The following NKIRAS1 variants were observed in gnomAD, a reference collection of about 807,000 sequenced individuals.
The protein encoded by NKIRAS1 is NF-kappa-B inhibitor-interacting Ras-like protein 1.
In NKIRAS1, 16 loss-of-function variants were observed where a neutral mutation model predicts 19.8. The ratio of observed to expected loss-of-function variants is 0.81; its 90% CI spans 0.55 to 1.23. The LOEUF is 1.23. Ranked by LOEUF, NKIRAS1 falls within the 50% of genes most tolerant of loss-of-function variation. The pLI is 0.00. For synonymous variants in NKIRAS1, 88 were observed against 79.0 expected, an observed-to-expected ratio of 1.11 and a Z score of -0.61; for missense variants, 184 against 220.0, an observed-to-expected ratio of 0.84 and a Z score of 1.04.
upstream of NKIRAS1, chr3:23,921,679 ATTC>A (rs1389618529): frequency 7.4e-5 from 50 of 673,150 alleles, no homozygotes; most frequent in African/African-American, 6.1e-4. Context: ...GGTTTGAGCA[ATTC>A]TTCTGCCTCG....
intron 1 of NKIRAS1, among the ~76,000 whole-genome samples, chr3:23,914,637 C>T (rs1704117566): frequency 6.6e-6 from 1 of 152,228 alleles, no homozygotes; most frequent in South Asian, 2.1e-4. Flanking sequence ...TGCCATCATG[C>T]CAGCCATCAG....
In NKIRAS1 at chr3:23,890,852, A is replaced by G. The variant is rs1701402220; in HGVS notation, c.*2243T>C. On this transcript the variant is annotated 3_prime_UTR_variant, in exon 5 of 5. Transcript: ENST00000425478. Reference sequence around the variant, plus strand: ...TATTAGCTGAAATGTAGTACAGAAAAGAATGTACATTTAGACATTTGGGTT... The same window carrying G: ...TATTAGCTGAAATGTAGTACAGAAAGGAATGTACATTTAGACATTTGGGTT... 1 of 342,538 alleles carries G rather than the reference A, an allele frequency of 2.9e-6. No individual in the cohort carries two copies. Among genetic ancestry groups the G allele is most frequent in the African/African-American group, 2.1e-5 (1 of 47,050 alleles). 21.2% of individuals were successfully genotyped at this position (342,538 alleles called of 1,614,324 possible). A position where few individuals can be genotyped will look rare whatever the true frequency, so the allele number is the denominator to read the frequency against.
At chr3:23,906,178 AC>A (rs397801523) in intron 3 of NKIRAS1, among the ~76,000 whole-genome samples, 42 of 150,814 alleles carry the variant, frequency 2.8e-4, no homozygotes, top group African/African-American at 1.0e-3. Context: ...AAAAAAAAAA[AC>A]CAAAGGGAGA....
At chr3:23,894,988 C>T (rs1196277767) in intron 4 of NKIRAS1, among the ~76,000 whole-genome samples, 1 of 152,172 alleles carries the variant, frequency 6.6e-6, no homozygotes, top group Non-Finnish European at 1.5e-5. Context: ...CTCCAATGGT[C>T]TCATCATCCT....
intron 1 of NKIRAS1, among the ~76,000 whole-genome samples, chr3:23,933,840 C>T (rs546374674): frequency 6.6e-6 from 1 of 152,244 alleles, no homozygotes; most frequent in Non-Finnish European, 1.5e-5. Flanking sequence ...GATCAAGGCA[C>T]CAGTAAGTTG....
intron 1 of NKIRAS1, among the ~76,000 whole-genome samples, chr3:23,933,567 C>G (rs4078155): frequency 0.64 from 97,752 of 152,084 alleles, 31,626 homozygotes; most frequent in Middle Eastern, 0.75. Flanking sequence ...ATATGTATCA[C>G]CTTATATCAC....
intron 1 of NKIRAS1, among the ~76,000 whole-genome samples, chr3:23,935,374 T>C (rs1320152564): frequency 6.4e-5 from 4 of 62,842 alleles, no homozygotes; most frequent in Non-Finnish European, 1.3e-4. Context: ...AAGGTTCTGA[T>C]TAGACAAAAA....
At position 23,926,470 on chromosome 3, in the gene NKIRAS1, TCCTC is replaced by T. The variant is rs1705215327; in HGVS notation, c.-139-15024_-139-15021del. On this transcript the variant is annotated intron_variant, in intron 1 of 4. Coordinates refer to the NKIRAS1 transcript ENST00000421515. The surrounding 1 kb of genome is among the most constrained non-coding windows in gnomAD (Gnocchi z 4.3). ...TCCTCTTCTCTCTTTTTTCTCTTCT[TCCTC>T]TTTCTCTCCTTCTCTTTCCTCTTCC... 6.6e-6 allele frequency among the ~76,000 whole-genome samples: 1 copy of T among 152,122 alleles called. No homozygotes were observed. The highest frequency in any genetic ancestry group is 1.5e-5 in the Non-Finnish European group (1 of 68,012).
intron 3 of NKIRAS1, among the ~76,000 whole-genome samples, chr3:23,901,550 C>A (rs1283968555): frequency 6.6e-6 from 1 of 152,096 alleles, no homozygotes; most frequent in Non-Finnish European, 1.5e-5. Flanking sequence ...TGTTTATGAT[C>A]TTTTAAAAAT....
Position 23,901,016 on chromosome 3 carries a change from T to A in NKIRAS1, c.128A>T (p.Tyr43Phe). The change falls in exon 4 of 5, where the codon TAC becomes TTC. Residue 43 changes from tyrosine (Y) to phenylalanine (F), a missense_variant. Coordinates refer to ENST00000425478, the MANE Select transcript of NKIRAS1 (RefSeq NM_020345.4). The part of the protein sequence containing the change: ...MEDCETMEDV[Y>F]MASVETDRGV... ...TCGGTCTGTTTCTACTGAAGCCATG[T>A]ATACATCTTCCATTGTTTCGCAATC... 6.2e-7 allele frequency: 1 copy of A among 1,614,136 alleles called. No individual in the cohort carries two copies. The highest frequency in any genetic ancestry group is 1.3e-5 in the African/African-American group (1 of 75,060).
intron 4 of NKIRAS1, among the ~76,000 whole-genome samples, chr3:23,896,480 G>C (rs1702007352): frequency 6.6e-6 from 1 of 152,154 alleles, no homozygotes; most frequent in South Asian, 2.1e-4. Context: ...AGGTGTGGTG[G>C]TGAACGCCTG....
At chr3:23,893,900 T>G (rs533508189) in intron 4 of NKIRAS1, among the ~76,000 whole-genome samples, 2 of 151,164 alleles carry the variant, frequency 1.3e-5, no homozygotes, top group Non-Finnish European at 2.9e-5. Context: ...ACTTGGGAAA[T>G]TGGCATCTAG....
chr3:23,920,103 A>G (rs1704990129), upstream of NKIRAS1: 4 of 985,802 alleles, frequency 4.1e-6, no homozygotes, highest in Admixed American at 6.1e-5. Flanking sequence ...CGATAAAATT[A>G]TTAGCCTTAA....
chr3:23,910,156 CTTTTTTTTT>C (rs34240932), intron 3 of NKIRAS1, among the ~76,000 whole-genome samples: 1 of 96,558 alleles, frequency 1.0e-5, no homozygotes, highest in Non-Finnish European at 2.0e-5. Flanking sequence ...TGCGCTCGGC[CTTTTTTTTT>C]TTTTTTTTTT....
At chr3:23,915,161 G>T (rs1704208579) in intron 1 of NKIRAS1, among the ~76,000 whole-genome samples, 1 of 152,244 alleles carries the variant, frequency 6.6e-6, no homozygotes. Flanking sequence ...GGTGGGCCCA[G>T]TGTAATCACA....
chr3:23,910,659 C>G, intron 3 of NKIRAS1, 152 bp downstream of exon 3: 1 of 614,542 alleles, frequency 1.6e-6, no homozygotes, highest in Non-Finnish European at 2.9e-6. Flanking sequence ...GACTTTTTTC[C>G]CTCCTCTTTT....
intron 1 of NKIRAS1, among the ~76,000 whole-genome samples, chr3:23,925,197 T>C (rs1705192663): frequency 6.6e-6 from 1 of 152,238 alleles, no homozygotes; most frequent in Non-Finnish European, 1.5e-5. Flanking sequence ...CGTTTCTCTT[T>C]AGTCTTTGTA....
intron 1 of NKIRAS1, among the ~76,000 whole-genome samples, chr3:23,913,474 G>A (rs1703987341): frequency 1.3e-5 from 2 of 152,100 alleles, no homozygotes; most frequent in Admixed American, 6.5e-5. Context: ...ACTACATAAA[G>A]CAGATGAGTG....
Position 23,926,611 on chromosome 3 carries a change from A to G in NKIRAS1, c.-139-15161T>C, listed in dbSNP as rs752608484. On this transcript the variant is annotated intron_variant, in intron 1 of 4. Transcript: ENST00000421515. This position sits in a 1 kb window ranked among gnomAD's most constrained non-coding sequence, Gnocchi z 4.3. ...TGTATAGATTTCATATGAGAATAGTATTTGTTGCTATAGATATTTTAATTG... is the reference window on the plus strand; with the variant it reads ...TGTATAGATTTCATATGAGAATAGTGTTTGTTGCTATAGATATTTTAATTG... Among the ~76,000 whole-genome samples, 2 of 152,016 alleles carry G rather than the reference A, an allele frequency of 1.3e-5. No homozygotes were observed. Among genetic ancestry groups the G allele is most frequent in the Non-Finnish European group, 2.9e-5 (2 of 68,018 alleles).
Sources: allele counts gnomAD v4.1 joint callset (sites outside exome capture counted in the v4.1 genomes callset), GRCh38; gene constraint gnomAD v4.1.1; non-coding constraint Gnocchi (gnomAD v3.1); transcripts MANE v1.5; gene names NCBI Gene and HGNC (gene_info 2026-07-23, HGNC 2026-07-21).